The following PIK3CB variants were observed in gnomAD, a reference collection of about 807,000 sequenced individuals.
The protein encoded by PIK3CB is phosphatidylinositol 4,5-bisphosphate 3-kinase catalytic subunit beta isoform.
PIK3CB carries 39 observed loss-of-function variants against 136.8 expected under a neutral mutation model. The ratio of observed to expected loss-of-function variants is 0.29; its 90% CI spans 0.22 to 0.37. PIK3CB has a LOEUF of 0.37. Ranked by LOEUF, PIK3CB falls within the 10% of genes least tolerant of loss-of-function variation. The pLI is 1.00. For missense variants in PIK3CB, 868 were observed against 1,275.4 expected (o/e 0.68, Z 4.87); for synonymous variants, 428 against 436.6 (o/e 0.98, Z 0.25).
At chr3:138,696,827 C>A (rs1444105082) in intron 13 of PIK3CB, among the ~76,000 whole-genome samples, 1 of 152,086 alleles carries the variant, frequency 6.6e-6, no homozygotes, top group East Asian at 1.9e-4. Context: ...TGGGAAGAGA[C>A]CATTTCCTGG....
At chr3:138,709,660 T>A (rs1307306364) in intron 10 of PIK3CB, among the ~76,000 whole-genome samples, 1 of 152,156 alleles carries the variant, frequency 6.6e-6, no homozygotes, top group Non-Finnish European at 1.5e-5. Context: ...ACTAATGTGT[T>A]CATTTATTAT....
intron 8 of PIK3CB, among the ~76,000 whole-genome samples, chr3:138,732,338 C>T (rs1169043843): frequency 6.6e-6 from 1 of 152,086 alleles, no homozygotes; most frequent in African/African-American, 2.4e-5. Flanking sequence ...TTCACAGCCT[C>T]ACCCACTTGT....
intron 21 of PIK3CB, 117 bp from the exon 22 acceptor site, chr3:138,657,952 C>A (rs986425643): frequency 1.1e-6 from 1 of 928,720 alleles, no homozygotes; most frequent in African/African-American, 1.7e-5. Context: ...CTGAGCCCTT[C>A]TCCCTCTGTT....
chr3:138,751,330 T>C (rs1576387627), intron 4 of PIK3CB, among the ~76,000 whole-genome samples: 1 of 151,892 alleles, frequency 6.6e-6, no homozygotes, highest in Non-Finnish European at 1.5e-5. Context: ...TGGTGGCAGG[T>C]GCCTGTAGTC....
At chr3:138,747,374 A>G (rs1033123519) in intron 4 of PIK3CB, among the ~76,000 whole-genome samples, 2 of 151,974 alleles carry the variant, frequency 1.3e-5, no homozygotes, top group African/African-American at 4.8e-5. Context: ...TTACTGCAAT[A>G]TGCAATTTAC....
chr3:138,717,913 ATTTT>A (rs1238885239), intron 8 of PIK3CB, among the ~76,000 whole-genome samples: 1 of 152,022 alleles, frequency 6.6e-6, no homozygotes, highest in Non-Finnish European at 1.5e-5. Flanking sequence ...CATGTACCAC[ATTTT>A]CTTTATCCAA....
intron 10 of PIK3CB, among the ~76,000 whole-genome samples, chr3:138,711,276 A>C (rs1174060316): frequency 6.6e-6 from 1 of 151,670 alleles, no homozygotes; most frequent in Non-Finnish European, 1.5e-5. Flanking sequence ...TCATTAAAAT[A>C]AGAAATATAT....
At chr3:138,737,102 G>T (rs749585678) in intron 6 of PIK3CB, among the ~76,000 whole-genome samples, 10 of 151,920 alleles carry the variant, frequency 6.6e-5, no homozygotes, top group Non-Finnish European at 1.3e-4. Flanking sequence ...CAAAACAGCC[G>T]AATGAGCCGG....
chr3:138,713,170 T>TAC (rs2044539931), intron 9 of PIK3CB, among the ~76,000 whole-genome samples: 1 of 151,562 alleles, frequency 6.6e-6, no homozygotes, highest in Non-Finnish European at 1.5e-5. Context: ...AAAGTTATTT[T>TAC]ACTTTTAGGG....
At chr3:138,671,993 G>A (rs1341529327) in intron 19 of PIK3CB, among the ~76,000 whole-genome samples, 1 of 152,176 alleles carries the variant, frequency 6.6e-6, no homozygotes, top group Non-Finnish European at 1.5e-5. Flanking sequence ...ATAAGGAAAG[G>A]AATGTGAGCT....
intron 1 of PIK3CB, among the ~76,000 whole-genome samples, chr3:138,815,162 A>AAAAATAT (rs1553743711): frequency 1.3e-3 from 84 of 62,452 alleles, no homozygotes; most frequent in Non-Finnish European, 1.7e-3. Context: ...AAAAAAAAAA[A>AAAAATAT]ATATATATAT....
At chr3:138,764,039 A>G in intron 2 of PIK3CB, among the ~76,000 whole-genome samples, 1 of 150,078 alleles carries the variant, frequency 6.7e-6, no homozygotes. Flanking sequence ...TGAACTCGGG[A>G]GGCGGAGGTT....
chr3:138,770,868 C>T (rs542905598), intron 2 of PIK3CB, among the ~76,000 whole-genome samples: 14 of 151,642 alleles, frequency 9.2e-5, no homozygotes, highest in African/African-American at 3.4e-4. Context: ...CCTGCCATCA[C>T]GCCCGGCTAA....
At chr3:138,811,173 G>T (rs982225891) in intron 1 of PIK3CB, among the ~76,000 whole-genome samples, 3 of 138,184 alleles carry the variant, frequency 2.2e-5, no homozygotes, top group African/African-American at 8.1e-5. Context: ...GTTGCAGTGA[G>T]CAGAGGTTGC....
intron 2 of PIK3CB, among the ~76,000 whole-genome samples, chr3:138,759,898 C>G (rs866536097): frequency 2.6e-5 from 4 of 151,838 alleles, no homozygotes; most frequent in Admixed American, 2.0e-4. Context: ...AATTTGCAAT[C>G]AAGAGGGCCC....
chr3:138,686,606 A>G (rs2043898947), intron 16 of PIK3CB, among the ~76,000 whole-genome samples: 2 of 152,230 alleles, frequency 1.3e-5, no homozygotes, highest in Admixed American at 1.3e-4. Flanking sequence ...TGGAAAAAAC[A>G]AATGTTAAAA....
intron 4 of PIK3CB, among the ~76,000 whole-genome samples, chr3:138,744,199 C>A (rs2045299906): frequency 6.6e-6 from 1 of 151,372 alleles, no homozygotes; most frequent in African/African-American, 2.4e-5. Flanking sequence ...CGAGACCAGC[C>A]TTACCAACAT....
chr3:138,690,680 A>T (rs1227019768), intron 15 of PIK3CB, among the ~76,000 whole-genome samples: 1 of 151,582 alleles, frequency 6.6e-6, no homozygotes, highest in African/African-American at 2.4e-5. Flanking sequence ...ATAGCAATAC[A>T]TTATTAATTT....
At chr3:138,741,525 A>G (rs938087545) in intron 5 of PIK3CB, among the ~76,000 whole-genome samples, 22 of 152,138 alleles carry the variant, frequency 1.4e-4, no homozygotes, top group African/African-American at 5.1e-4. Context: ...GTAATTCAAG[A>G]ACAAAACAAA....
Sources: allele counts gnomAD v4.1 joint callset (sites outside exome capture counted in the v4.1 genomes callset), GRCh38; gene constraint gnomAD v4.1.1; transcripts MANE v1.5; gene names NCBI Gene and HGNC (gene_info 2026-07-23, HGNC 2026-07-21).